The following TFB1M variants were observed in gnomAD, a reference collection of about 807,000 sequenced individuals.
TFB1M encodes transcription factor B1, mitochondrial, also known as dimethyladenosine transferase 1, mitochondrial.
TFB1M carries 27 observed loss-of-function variants against 31.1 expected under a neutral mutation model. The ratio of observed to expected loss-of-function variants is 0.87; its 90% CI spans 0.64 to 1.20. The LOEUF (loss-of-function observed/expected upper bound fraction) is 1.20. Among genes scored for constraint, TFB1M ranks in the 50% most tolerant of loss-of-function variants. The pLI is 0.00. For missense variants in TFB1M, 394 were observed against 418.7 expected, an observed-to-expected ratio of 0.94 and a Z score of 0.51; for synonymous variants, 166 against 151.8, an observed-to-expected ratio of 1.09 and a Z score of -0.69.
At chr6:155,304,912 G>A (rs933886654) in intron 2 of TFB1M, among the ~76,000 whole-genome samples, 18 of 150,484 alleles carry the variant, frequency 1.2e-4, no homozygotes, top group East Asian at 2.0e-4. Context: ...GAAATAAACC[G>A]ACACACATAA....
chr6:155,249,909 T>C, the TFB1M span: 2 of 1,614,136 alleles, frequency 1.2e-6, no homozygotes, highest in Non-Finnish European at 1.7e-6. Flanking sequence ...AGAAGATCTA[T>C]GAGGATTATG....
At chr6:155,305,492 A>AATATATATTAAATTATATATTT (rs1562425443) in intron 2 of TFB1M, among the ~76,000 whole-genome samples, 1 of 25,492 alleles carries the variant, frequency 3.9e-5, no homozygotes, top group Non-Finnish European at 5.9e-5. Flanking sequence ...TATATATATA[A>AATATATATTAAATTATATATTT]ATATATATTA....
At chr6:155,260,049 C>G (rs930373800) in intron 6 of TFB1M, among the ~76,000 whole-genome samples, 4 of 152,198 alleles carry the variant, frequency 2.6e-5, no homozygotes, top group African/African-American at 9.7e-5. Context: ...GTGCAGTCAC[C>G]AACTCCAGGC....
At chr6:155,308,504 C>A in intron 2 of TFB1M, among the ~76,000 whole-genome samples, 1 of 152,164 alleles carries the variant, frequency 6.6e-6, no homozygotes. Context: ...CAAACTGAGG[C>A]ACAGAGGACA....
chr6:155,275,397 G>C (rs185827830), intron 5 of TFB1M, among the ~76,000 whole-genome samples: 2 of 152,250 alleles, frequency 1.3e-5, no homozygotes, highest in Non-Finnish European at 2.9e-5. Flanking sequence ...GTGGGCAACT[G>C]CTTTCTTTAT....
At chr6:155,271,621 C>T (rs1352654144) in intron 5 of TFB1M, among the ~76,000 whole-genome samples, 1 of 152,046 alleles carries the variant, frequency 6.6e-6, no homozygotes, top group Non-Finnish European at 1.5e-5. Context: ...ATTCAGGTTC[C>T]AGACAAGTCA....
chr6:155,268,798 G>A (rs1784781505), intron 5 of TFB1M, among the ~76,000 whole-genome samples: 1 of 150,664 alleles, frequency 6.6e-6, no homozygotes, highest in Non-Finnish European at 1.5e-5. Context: ...AGTACCCAGG[G>A]ACACAAACAC....
downstream of TFB1M, chr6:155,255,576 C>T (rs754166926): frequency 2.2e-4 from 34 of 151,878 alleles, no homozygotes; most frequent in Admixed American, 5.3e-4. Flanking sequence ...AACACCAAAA[C>T]TGAGAACTCC....
At chr6:155,235,023 C>T in the TFB1M span, among the ~76,000 whole-genome samples, 9 of 146,990 alleles carry the variant, frequency 6.1e-5, no homozygotes, top group African/African-American at 2.0e-4. Context: ...CAGCTAGAGA[C>T]AGAGCACAGC....
Position 155,267,223 on chromosome 6 carries a change from C to T in TFB1M, c.667-6823G>A, listed in dbSNP as rs142939056. ...CTTCTGGCCGCAAGCAATCCACCTG[C>T]CTTGGCCTCCCAAAGTGTTGGGATT... On this transcript the variant is annotated intron_variant, in intron 5 of 6. Transcript: ENST00000367166. 7.1e-3 allele frequency among the ~76,000 whole-genome samples: 1,086 copies of T among 152,284 alleles called. 13 individuals carry two copies. The highest frequency in any genetic ancestry group is 0.025 in the African/African-American group (1,024 of 41,560).
intron 5 of TFB1M, among the ~76,000 whole-genome samples, chr6:155,267,670 G>A (rs374760863): frequency 1.3e-5 from 2 of 152,272 alleles, no homozygotes; most frequent in South Asian, 4.1e-4. Context: ...CTTATAGAAA[G>A]TGTAAATTTT....
chr6:155,255,929 G>A (rs976603751), downstream of TFB1M: 3 of 163,162 alleles, frequency 1.8e-5, no homozygotes, highest in Non-Finnish European at 2.7e-5. Flanking sequence ...AGGATCACTT[G>A]AGCCCAGGAG....
At chr6:155,237,317 G>A in the TFB1M span, among the ~76,000 whole-genome samples, 2 of 152,234 alleles carry the variant, frequency 1.3e-5, no homozygotes, top group Non-Finnish European at 2.9e-5. Flanking sequence ...GGGTAGCTCT[G>A]TCCCTGTGGC....
In TFB1M at chr6:155,277,336, T is replaced by C. The variant is rs558302300; in HGVS notation, c.666+7822A>G. ...GTTTCAATTAATGAATGTCAAAATA[T>C]ATTTTAAAGAATGCTTTTAAAATAT... On this transcript the variant is annotated intron_variant, in intron 5 of 6. Coordinates refer to ENST00000367166, the MANE Select transcript of TFB1M (RefSeq NM_016020.4). Among the ~76,000 whole-genome samples the C allele has an allele frequency of 9.2e-5, 14 of 152,352 alleles. No homozygotes were observed. The South Asian group carries it at 1.4e-3, about 16-fold the overall frequency.
chr6:155,254,647 A>C, downstream of TFB1M: 1 of 1,547,360 alleles, frequency 6.5e-7, no homozygotes, highest in South Asian at 1.2e-5. Context: ...TGCTCTTGTA[A>C]CATAGCTGTG....
chr6:155,250,896 C>T, the TFB1M span: 6 of 1,611,166 alleles, frequency 3.7e-6, no homozygotes, highest in Non-Finnish European at 5.1e-6. Context: ...TCCTTACCTC[C>T]TGTTTTTACA....
chr6:155,287,551 A>AGTGTGTGTGT (rs150032717), intron 4 of TFB1M, among the ~76,000 whole-genome samples: 4,523 of 147,566 alleles, frequency 0.031, 106 homozygotes, highest in East Asian at 0.1. Context: ...ATTTACTCTG[A>AGTGTGTGTGT]GTGTGTGTGT....
chr6:155,301,239 G>A (rs968113384), intron 2 of TFB1M, among the ~76,000 whole-genome samples: 11 of 152,172 alleles, frequency 7.2e-5, no homozygotes, highest in Admixed American at 3.3e-4. Flanking sequence ...GATCTACTTT[G>A]CAACTCCCCA....
chr6:155,301,359 C>T (rs898243296), intron 2 of TFB1M, among the ~76,000 whole-genome samples: 5 of 152,164 alleles, frequency 3.3e-5, no homozygotes, highest in African/African-American at 1.2e-4. Flanking sequence ...ATAGACAGTA[C>T]CCTTTTAAAC....
Sources: allele counts gnomAD v4.1 joint callset (sites outside exome capture counted in the v4.1 genomes callset), GRCh38; gene constraint gnomAD v4.1.1; transcripts MANE v1.5; gene names NCBI Gene and HGNC (gene_info 2026-07-23, HGNC 2026-07-21).